PDE4D: variants seen among roughly 807,000 people sequenced by gnomAD.
PDE4D encodes the protein phosphodiesterase 4D.
PDE4D carries 24 observed loss-of-function variants against 87.4 expected under a neutral mutation model. The observed-to-expected ratio is 0.27, with a 90% confidence interval of 0.20 to 0.39. The LOEUF is 0.39. Among genes scored for constraint, PDE4D ranks in the 10% least tolerant of loss-of-function variants. PDE4D has a pLI of 1.00. For synonymous variants in PDE4D, 384 were observed against 383.2 expected (o/e 1.00, Z -0.02); for missense variants, 714 against 1,041.0 (o/e 0.69, Z 4.32).
intron 1 of PDE4D, among the ~76,000 whole-genome samples, chr5:59,722,843 T>C (rs1347761316): frequency 6.6e-6 from 1 of 152,174 alleles, no homozygotes; most frequent in Non-Finnish European, 1.5e-5. Flanking sequence ...AAGCCTTTAT[T>C]GTTGAAGGTG....
intron 5 of PDE4D, among the ~76,000 whole-genome samples, chr5:59,116,846 A>G (rs774745617): frequency 6.6e-6 from 1 of 152,208 alleles, no homozygotes; most frequent in Non-Finnish European, 1.5e-5. Flanking sequence ...ATGTGCTACT[A>G]TGATAGACGT....
At chr5:60,209,538 T>C (rs768196653) in intron 1 of PDE4D, among the ~76,000 whole-genome samples, 40 of 152,208 alleles carry the variant, frequency 2.6e-4, no homozygotes, top group Non-Finnish European at 4.8e-4. Flanking sequence ...AATGATAATG[T>C]CACAGGATGG....
At chr5:60,082,638 A>C (rs1291883645) in intron 2 of PDE4D, among the ~76,000 whole-genome samples, 1 of 152,064 alleles carries the variant, frequency 6.6e-6, no homozygotes, top group Non-Finnish European at 1.5e-5. Flanking sequence ...CTCACAACTC[A>C]CTGGCTAGAT....
chr5:60,275,903 CTGT>C (rs1751315499), intron 1 of PDE4D, among the ~76,000 whole-genome samples: 2 of 151,860 alleles, frequency 1.3e-5, no homozygotes, highest in South Asian at 2.1e-4. Flanking sequence ...TTTTAGAAGT[CTGT>C]TGTTGTTTAG....
At chr5:59,865,480 A>G (rs1198282608) in intron 1 of PDE4D, among the ~76,000 whole-genome samples, 1 of 152,188 alleles carries the variant, frequency 6.6e-6, no homozygotes, top group Admixed American at 6.5e-5. Context: ...ACCCACTGCC[A>G]CAGCCTTTTG....
Position 58,988,488 on chromosome 5 carries a change from CT to C in PDE4D, c.1552+4del. The C allele has an allele frequency of 7.7e-7, 1 of 1,291,296 alleles. No individual in the cohort carries two copies. Among genetic ancestry groups the C allele is most frequent in the Non-Finnish European group, 1.1e-6 (1 of 947,462 alleles). The allele number at this position is 1,291,296 out of a possible 1,614,324, so 80.0% of individuals were successfully genotyped here. A position where few individuals can be genotyped will look rare whatever the true frequency, so the allele number is the denominator to read the frequency against. ...ATGTGTTCTGAAAAAATAAAGTTTA[CT>C]TACTTGTATTGATCAGAAATTGATT... On this transcript the variant is annotated splice_donor_region_variant and intron_variant, in intron 11 of 14. Coordinates refer to ENST00000340635, the MANE Select transcript of PDE4D (RefSeq NM_001104631.2).
intron 2 of PDE4D, among the ~76,000 whole-genome samples, chr5:60,010,915 C>G (rs548900113): frequency 4.6e-5 from 7 of 152,184 alleles, no homozygotes; most frequent in African/African-American, 1.7e-4. Flanking sequence ...ACATCAACAA[C>G]AGTAAAAAGT....
chr5:59,419,540 A>T (rs1367116040), intron 1 of PDE4D, among the ~76,000 whole-genome samples: 1 of 152,212 alleles, frequency 6.6e-6, no homozygotes, highest in Non-Finnish European at 1.5e-5. Context: ...CCATGTTTGT[A>T]TCCTTATAGT....
At chr5:60,094,765 T>C (rs1262315023) in intron 2 of PDE4D, among the ~76,000 whole-genome samples, 1 of 152,082 alleles carries the variant, frequency 6.6e-6, no homozygotes, top group Non-Finnish European at 1.5e-5. Flanking sequence ...TCAACGCTAC[T>C]GGCACCTTGA....
At chr5:60,383,823 A>C (rs1762024649) in intron 1 of PDE4D, among the ~76,000 whole-genome samples, 1 of 152,256 alleles carries the variant, frequency 6.6e-6, no homozygotes, top group African/African-American at 2.4e-5. Flanking sequence ...TAAATACATT[A>C]TATGAATTAG....
Position 59,988,516 on chromosome 5 carries a change from T to C in PDE4D, c.244A>G (p.Ile82Val), listed in dbSNP as rs376100336. Residue 82 changes from isoleucine to valine, a missense_variant, in exon 3 of 17, where the codon ATT becomes GTT. Ile to Val is a conservative substitution (Grantham distance 29, BLOSUM62 3). Transcript: ENST00000502484. ...CTGGATTCTGCAGAAGTGATAGCAA[T>C]CAGCGGCAGAATCTTCAGGGGGAGG... The C allele has an allele frequency of 2.3e-5, 36 of 1,598,832 alleles. No homozygotes were observed. In the African/African-American group the frequency reaches 4.8e-4, roughly 21 times the overall value.
chr5:60,131,025 G>GAATT (rs938143615), intron 2 of PDE4D, among the ~76,000 whole-genome samples: 19 of 152,128 alleles, frequency 1.2e-4, no homozygotes, highest in Non-Finnish European at 2.1e-4. Flanking sequence ...TCCTATGTCA[G>GAATT]AATTAGTAGG....
chr5:59,685,287 G>A (rs1199798663), intron 1 of PDE4D, among the ~76,000 whole-genome samples: 2 of 152,092 alleles, frequency 1.3e-5, no homozygotes, highest in Non-Finnish European at 2.9e-5. Context: ...AGCTCACGTA[G>A]GTCTTTACTA....
chr5:59,749,268 T>C (rs1760079050), intron 1 of PDE4D, among the ~76,000 whole-genome samples: 1 of 152,084 alleles, frequency 6.6e-6, no homozygotes, highest in South Asian at 2.1e-4. Context: ...TGTTGTTGTT[T>C]CTTTGTTTTT....
intron 1 of PDE4D, among the ~76,000 whole-genome samples, chr5:60,249,439 T>A (rs992594306): frequency 6.6e-6 from 1 of 152,066 alleles, no homozygotes; most frequent in Non-Finnish European, 1.5e-5. Flanking sequence ...AAAATACAGT[T>A]GGTCCAAGAG....
intron 1 of PDE4D, among the ~76,000 whole-genome samples, chr5:60,340,060 T>G (rs1455277768): frequency 6.6e-6 from 1 of 152,310 alleles, no homozygotes; most frequent in African/African-American, 2.4e-5. Flanking sequence ...ATTATGTCAA[T>G]GTGCATGTGG....
At chr5:60,334,704 G>A (rs1371254848) in intron 1 of PDE4D, among the ~76,000 whole-genome samples, 6 of 151,586 alleles carry the variant, frequency 4.0e-5, no homozygotes, top group African/African-American at 1.5e-4. Context: ...TCAGCTGCCA[G>A]GATGGAAAGA....
At chr5:59,109,319 C>G (rs748498784) in intron 5 of PDE4D, among the ~76,000 whole-genome samples, 2 of 152,152 alleles carry the variant, frequency 1.3e-5, no homozygotes, top group Non-Finnish European at 2.9e-5. Context: ...ACAGCAACCA[C>G]AACAAAACAT....
intron 1 of PDE4D, among the ~76,000 whole-genome samples, chr5:59,231,700 A>T (rs1755233091): frequency 6.6e-6 from 1 of 152,244 alleles, no homozygotes; most frequent in African/African-American, 2.4e-5. Context: ...AGTACATTAG[A>T]CTTTCAAATG....
Sources: allele counts gnomAD v4.1 joint callset (sites outside exome capture counted in the v4.1 genomes callset), GRCh38; gene constraint gnomAD v4.1.1; transcripts MANE v1.5; gene names NCBI Gene and HGNC (gene_info 2026-07-23, HGNC 2026-07-21).